Variants in UTRN observed in about 807,000 individuals in gnomAD.
UTRN encodes the protein dystrophin-related protein 1.
A neutral mutation model predicts 463.9 loss-of-function variants in UTRN; 283 were observed. That is an observed-to-expected ratio of 0.61 (90% CI 0.55 to 0.67). The LOEUF is 0.67. Ranked by LOEUF, UTRN falls within the 30% of genes least tolerant of loss-of-function variation. UTRN has a pLI of 0.00. For synonymous variants in UTRN, 1,442 were observed against 1,431.5 expected (o/e 1.01, Z -0.17); for missense variants, 3,922 against 4,084.3 (o/e 0.96, Z 1.08).
At chr6:144,765,407 ATTACT>A (rs1453626270) in intron 58 of UTRN, among the ~76,000 whole-genome samples, 1 of 152,040 alleles carries the variant, frequency 6.6e-6, no homozygotes, top group African/African-American at 2.4e-5. Context: ...TGAGTGTGAA[ATTACT>A]TTAAGTGTAT....
intron 54 of UTRN, among the ~76,000 whole-genome samples, chr6:144,738,377 C>T (rs962230150): frequency 3.4e-4 from 52 of 152,212 alleles, no homozygotes. Context: ...ACCCCTACCC[C>T]CAAACCTCCA....
At chr6:144,387,940 G>A (rs1317415031) in intron 2 of UTRN, among the ~76,000 whole-genome samples, 1 of 152,188 alleles carries the variant, frequency 6.6e-6, no homozygotes, top group Non-Finnish European at 1.5e-5. Context: ...CAGACCTTGT[G>A]TCAGCCCAGT....
In UTRN at chr6:144,627,097, C is replaced by T. The variant is rs943055504; in HGVS notation, c.7479+49809C>T. Among the ~76,000 whole-genome samples, 3 of 143,094 alleles carry T rather than the reference C, an allele frequency of 2.1e-5. No individual in the cohort carries two copies. In the East Asian group the frequency reaches 6.7e-4, roughly 32 times the overall value. The allele number at this position is 143,094 out of a possible 152,430, so 93.9% of individuals were successfully genotyped here. ...CCTACCTGTGTGTGTGTGTGCACTA[C>T]GCGGCAGATGGGGGGTTAGGGGGCT... On this transcript the variant is annotated intron_variant, in intron 51 of 74. Transcript: ENST00000367545.
Position 144,748,413 on chromosome 6 carries a change from C to T in UTRN, c.8107C>T (p.Leu2703=). The change falls in exon 55 of 75, where the codon CTG becomes TTG. Residue 2703 remains leucine, a synonymous_variant. Transcript: ENST00000367545. ...LRDLQGAMDD[L]DADMKEAESV... ...AGACCTGCAGGGAGCTATGGATGAC[C>T]TGGACGCTGACATGAAGGAGGCAGA... The T allele has an allele frequency of 6.2e-7, 1 of 1,613,906 alleles. No individual in the cohort carries two copies. Among genetic ancestry groups the T allele is most frequent in the Non-Finnish European group, 8.5e-7 (1 of 1,179,918 alleles).
At chr6:144,790,717 G>A (rs1192709342) in intron 62 of UTRN, among the ~76,000 whole-genome samples, 1 of 152,158 alleles carries the variant, frequency 6.6e-6, no homozygotes, top group Non-Finnish European at 1.5e-5. Context: ...TTCAACAGCT[G>A]AAAACGTTAT....
intron 2 of UTRN, among the ~76,000 whole-genome samples, chr6:144,296,786 T>A (rs924688410): frequency 2.0e-5 from 3 of 152,258 alleles, no homozygotes; most frequent in Non-Finnish European, 2.9e-5. Context: ...TTTTTGTAGT[T>A]TTCAGGGGTG....
At chr6:144,814,567 C>T (rs1454490734) in intron 65 of UTRN, among the ~76,000 whole-genome samples, 1 of 151,968 alleles carries the variant, frequency 6.6e-6, no homozygotes, top group Non-Finnish European at 1.5e-5. Flanking sequence ...AAATGAGCAA[C>T]AAAAGTATCA....
chr6:144,807,590 T>C (rs1463653089), intron 65 of UTRN, among the ~76,000 whole-genome samples: 1 of 152,114 alleles, frequency 6.6e-6, no homozygotes, highest in Non-Finnish European at 1.5e-5. Flanking sequence ...GTCATCATTC[T>C]GTCTCCATAT....
At chr6:144,701,417 T>C (rs1424829898) in intron 53 of UTRN, among the ~76,000 whole-genome samples, 1 of 152,202 alleles carries the variant, frequency 6.6e-6, no homozygotes, top group Non-Finnish European at 1.5e-5. Context: ...GATTACATTT[T>C]TATACTGCTC....
intron 73 of UTRN, among the ~76,000 whole-genome samples, chr6:144,843,039 G>A (rs1164202343): frequency 1.3e-5 from 2 of 152,076 alleles, no homozygotes; most frequent in Non-Finnish European, 2.9e-5. Flanking sequence ...ATTTTCAATT[G>A]TTATGTTACT....
intron 69 of UTRN, among the ~76,000 whole-genome samples, chr6:144,834,776 C>T (rs1469927213): frequency 6.6e-6 from 1 of 152,170 alleles, no homozygotes; most frequent in African/African-American, 2.4e-5. Flanking sequence ...AAGGGATGTT[C>T]GCAGCCCCCA....
chr6:144,358,505 T>C (rs57679521), intron 2 of UTRN, among the ~76,000 whole-genome samples: 5,204 of 152,348 alleles, frequency 0.034, 239 homozygotes, highest in East Asian at 0.11. Context: ...GAAACAGTTA[T>C]GGCTTCAGAA....
rs745370898 is a variant in UTRN, at chr6:144,426,346, C to T, written c.465C>T (p.Ile155=). Residue 155 remains isoleucine, a synonymous_variant, in exon 7 of 75, where the codon ATC becomes ATT. Transcript: ENST00000367545. ...TGCAGCAGACGAACAGTGAGAAGAT[C>T]CTGCTCAGCTGGGTGCGTCAGACCA... The part of the protein sequence containing the change: ...SDLQQTNSEK[I]LLSWVRQTTR... 7 of 1,614,022 alleles carry T rather than the reference C, an allele frequency of 4.3e-6. No homozygotes were observed. The highest frequency in any genetic ancestry group is 5.9e-6 in the Non-Finnish European group (7 of 1,180,020).
At chr6:144,710,562 G>A (rs1785570262) in intron 53 of UTRN, among the ~76,000 whole-genome samples, 1 of 152,118 alleles carries the variant, frequency 6.6e-6, no homozygotes, top group Non-Finnish European at 1.5e-5. Flanking sequence ...GTTTTAATCA[G>A]TGTCTCAGAA....
intron 62 of UTRN, among the ~76,000 whole-genome samples, chr6:144,791,156 T>G (rs1163418340): frequency 1.3e-5 from 2 of 152,242 alleles, no homozygotes; most frequent in Non-Finnish European, 2.9e-5. Context: ...TTCCAGTTTC[T>G]GTGATATCAT....
intron 54 of UTRN, among the ~76,000 whole-genome samples, chr6:144,744,604 T>TACACACAC (rs554895139): frequency 9.7e-6 from 1 of 103,210 alleles, no homozygotes; most frequent in Non-Finnish European, 1.7e-5. Context: ...TGACAGGGCA[T>TACACACAC]ACACACACAC....
chr6:144,521,160 C>T (rs1796056226), intron 39 of UTRN, among the ~76,000 whole-genome samples: 1 of 152,082 alleles, frequency 6.6e-6, no homozygotes, highest in African/African-American at 2.4e-5. Context: ...ATGGTGCATG[C>T]TTGTAATCCC....
intron 52 of UTRN, among the ~76,000 whole-genome samples, chr6:144,691,113 A>T (rs1321061840): frequency 6.6e-6 from 1 of 152,140 alleles, no homozygotes; most frequent in African/African-American, 2.4e-5. Context: ...CAATATTTCA[A>T]CTTGATTATT....
chr6:144,733,526 A>T (rs1019544173), intron 54 of UTRN, among the ~76,000 whole-genome samples: 40 of 143,862 alleles, frequency 2.8e-4, no homozygotes, highest in African/African-American at 6.8e-4. Flanking sequence ...AAAAAAAAAA[A>T]ACTTTGTAAT....
Sources: allele counts gnomAD v4.1 joint callset (sites outside exome capture counted in the v4.1 genomes callset), GRCh38; gene constraint gnomAD v4.1.1; transcripts MANE v1.5; gene names NCBI Gene and HGNC (gene_info 2026-07-23, HGNC 2026-07-21).